LRFN5: variants seen among roughly 807,000 people sequenced by gnomAD.
LRFN5 encodes the protein leucine-rich repeat and fibronectin type-III domain-containing protein 5.
A neutral mutation model predicts 45.6 loss-of-function variants in LRFN5; 24 were observed. The ratio of observed to expected loss-of-function variants is 0.53; its 90% confidence interval spans 0.38 to 0.74. The LOEUF (loss-of-function observed/expected upper bound fraction) is 0.74. Ranked by LOEUF, LRFN5 falls within the 30% of genes least tolerant of loss-of-function variation. LRFN5 has a pLI of 0.00. For synonymous variants in LRFN5, 340 were observed against 313.8 expected (o/e 1.08, Z -0.88); for missense variants, 776 against 861.5 (o/e 0.90, Z 1.24).
chr14:41,638,270 T>C (rs1879397226), intron 1 of LRFN5, among the ~76,000 whole-genome samples: 2 of 151,996 alleles, frequency 1.3e-5, no homozygotes, highest in African/African-American at 4.8e-5. Flanking sequence ...TTGTTCCTCC[T>C]AATTAAAATG....
chr14:41,831,152 A>G (rs964075979), intron 2 of LRFN5, among the ~76,000 whole-genome samples: 2 of 152,194 alleles, frequency 1.3e-5, no homozygotes, highest in African/African-American at 2.4e-5. Context: ...TACAATTGAA[A>G]ACATGCTAAC....
chr14:41,756,546 A>C (rs2138857343), intron 1 of LRFN5, among the ~76,000 whole-genome samples: 1 of 152,330 alleles, frequency 6.6e-6, no homozygotes, highest in East Asian at 1.9e-4. Flanking sequence ...CAGTTGATCG[A>C]ATCGGCTACT....
rs143161988 is a variant in LRFN5, at chr14:41,697,654, C to T, written c.-196-69200C>T. Among the ~76,000 whole-genome samples the T allele has an allele frequency of 4.4e-4, 66 of 148,416 alleles. No homozygotes were observed. In the East Asian group the frequency reaches 0.013, roughly 29 times the overall value. On this transcript the variant is annotated intron_variant, in intron 1 of 5. Coordinates refer to ENST00000298119, the MANE Select transcript of LRFN5 (RefSeq NM_152447.5). ...AACTAATATGAATATAGCTTCACTG[C>T]TCTTTTTTTTTTTTTGATAGGAGAG...
intron 2 of LRFN5, among the ~76,000 whole-genome samples, chr14:41,814,316 A>G (rs1372777162): frequency 6.6e-6 from 1 of 152,088 alleles, no homozygotes; most frequent in African/African-American, 2.4e-5. Flanking sequence ...TTATGACCTT[A>G]TTATTCTGGT....
intron 1 of LRFN5, among the ~76,000 whole-genome samples, chr14:41,680,823 G>A (rs1457605227): frequency 1.3e-5 from 2 of 152,052 alleles, no homozygotes; most frequent in African/African-American, 4.8e-5. Context: ...CTTTCAGATA[G>A]AGAATTCAAA....
intron 1 of LRFN5, among the ~76,000 whole-genome samples, chr14:41,727,063 A>G (rs972416287): frequency 6.6e-6 from 1 of 152,196 alleles, no homozygotes; most frequent in Non-Finnish European, 1.5e-5. Context: ...GTGCTTATAC[A>G]TAGGTGAGAC....
intron 1 of LRFN5, among the ~76,000 whole-genome samples, chr14:41,668,405 G>A (rs966864295): frequency 6.6e-6 from 1 of 152,002 alleles, no homozygotes; most frequent in Non-Finnish European, 1.5e-5. Context: ...TTTATCCCAA[G>A]CTCCCTACTT....
intron 1 of LRFN5, among the ~76,000 whole-genome samples, chr14:41,716,490 G>A (rs1282737566): frequency 6.6e-6 from 1 of 152,082 alleles, no homozygotes; most frequent in South Asian, 2.1e-4. Flanking sequence ...TCTCTATCAA[G>A]TTCAAAATTC....
intron 1 of LRFN5, among the ~76,000 whole-genome samples, chr14:41,631,391 T>C (rs907751554): frequency 1.3e-5 from 2 of 152,182 alleles, no homozygotes; most frequent in African/African-American, 4.8e-5. Flanking sequence ...CCTCTCCTGA[T>C]TTATTTATTC....
At chr14:41,709,582 TTA>T (rs1156517542) in intron 1 of LRFN5, among the ~76,000 whole-genome samples, 1 of 152,080 alleles carries the variant, frequency 6.6e-6, no homozygotes, top group African/African-American at 2.4e-5. Context: ...CCAGTCCTTT[TTA>T]TAGCATTAAC....
At chr14:41,753,976 G>A (rs1173750175) in intron 1 of LRFN5, among the ~76,000 whole-genome samples, 1 of 152,254 alleles carries the variant, frequency 6.6e-6, no homozygotes, top group Non-Finnish European at 1.5e-5. Flanking sequence ...AGCATGAAGG[G>A]CTGTTGAATT....
At chr14:41,652,845 T>G (rs890030923) in intron 1 of LRFN5, among the ~76,000 whole-genome samples, 5 of 152,144 alleles carry the variant, frequency 3.3e-5, no homozygotes, top group Non-Finnish European at 7.4e-5. Flanking sequence ...TCCTTTTTAA[T>G]AATAGCCATT....
At chr14:41,734,693 C>T (rs901502593) in intron 1 of LRFN5, among the ~76,000 whole-genome samples, 2 of 151,402 alleles carry the variant, frequency 1.3e-5, no homozygotes, top group Non-Finnish European at 2.9e-5. Context: ...AGAACTTATG[C>T]CATTTGTTCA....
intron 1 of LRFN5, among the ~76,000 whole-genome samples, chr14:41,748,884 C>T (rs1885021675): frequency 6.6e-6 from 1 of 151,252 alleles, no homozygotes; most frequent in African/African-American, 2.4e-5. Context: ...TAACAGAATA[C>T]CACAGACAGG....
At chr14:41,754,992 A>G (rs1190736709) in intron 1 of LRFN5, among the ~76,000 whole-genome samples, 1 of 152,054 alleles carries the variant, frequency 6.6e-6, no homozygotes, top group East Asian at 1.9e-4. Context: ...TTCAAAGTAC[A>G]TCTTTATTTC....
chr14:41,807,761 G>T (rs1288788627), intron 2 of LRFN5, among the ~76,000 whole-genome samples: 1 of 151,978 alleles, frequency 6.6e-6, no homozygotes, highest in Non-Finnish European at 1.5e-5. Flanking sequence ...AATTTTCCTT[G>T]TTACATAGAT....
intron 1 of LRFN5, among the ~76,000 whole-genome samples, chr14:41,719,265 G>A (rs1049772152): frequency 6.6e-6 from 1 of 151,992 alleles, no homozygotes; most frequent in Non-Finnish European, 1.5e-5. Context: ...ATGTCTATTT[G>A]TTCCATTTAG....
chr14:41,663,941 T>C (rs1485150866), intron 1 of LRFN5, among the ~76,000 whole-genome samples: 1 of 151,988 alleles, frequency 6.6e-6, no homozygotes, highest in African/African-American at 2.4e-5. Context: ...CAACTAGAAA[T>C]AGACTTATAT....
intron 2 of LRFN5, among the ~76,000 whole-genome samples, chr14:41,843,014 A>C (rs1888916471): frequency 6.6e-6 from 1 of 150,892 alleles, no homozygotes; most frequent in Non-Finnish European, 1.5e-5. Context: ...TTTCTTTTTG[A>C]GATATAGGTG....
Sources: allele counts gnomAD v4.1 joint callset (sites outside exome capture counted in the v4.1 genomes callset), GRCh38; gene constraint gnomAD v4.1.1; transcripts MANE v1.5; gene names NCBI Gene and HGNC (gene_info 2026-07-23, HGNC 2026-07-21).